GAN: variants seen among roughly 807,000 people sequenced by gnomAD.
GAN encodes epididymis secretory sperm binding protein.
Under a neutral mutation model 71.3 loss-of-function variants are expected in GAN, and 48 were observed. That is an observed-to-expected ratio of 0.67 (90% CI 0.53 to 0.86). The LOEUF (loss-of-function observed/expected upper bound fraction) is 0.86. Ranked by LOEUF, GAN falls within the 40% of genes least tolerant of loss-of-function variation. The probability of loss-of-function intolerance (pLI) is 0.00; values close to 1 mark genes in which losing one functional copy is unlikely to be tolerated. For synonymous variants in GAN, 386 were observed against 276.8 expected, an observed-to-expected ratio of 1.39 and a Z score of -3.92; for missense variants, 928 against 770.1, an observed-to-expected ratio of 1.21 and a Z score of -2.43.
At chr16:81,328,642 G>T (rs1186414309) in intron 1 of GAN, among the ~76,000 whole-genome samples, 2 of 55,734 alleles carry the variant, frequency 3.6e-5, no homozygotes, top group East Asian at 8.2e-4. Flanking sequence ...CTACCAGTGT[G>T]TATCTTATTT....
intron 1 of GAN, among the ~76,000 whole-genome samples, chr16:81,349,098 A>T (rs1411937855): frequency 2.6e-5 from 4 of 152,176 alleles, no homozygotes; most frequent in African/African-American, 7.2e-5. Flanking sequence ...TACAGGGAAG[A>T]TGTGTATCCA....
intron 1 of GAN, among the ~76,000 whole-genome samples, chr16:81,333,356 C>T (rs1054123057): frequency 2.0e-5 from 3 of 152,082 alleles, no homozygotes; most frequent in Admixed American, 1.3e-4. Context: ...TCCTCACTAA[C>T]CTGCATTCAC....
At position 81,385,769 on chromosome 16, in the gene GAN, CTTTTTTTTT is replaced by C. The variant is rs11461340; in HGVS notation, c.*8185_*8193del. The C allele has an allele frequency of 8.0e-6, 1 of 124,396 alleles. No individual in the cohort carries two copies. The highest frequency in any genetic ancestry group is 8.5e-5 in the Admixed American group (1 of 11,708). The allele number at this position is 124,396 out of a possible 1,614,324, so 7.7% of individuals were successfully genotyped here. On this transcript the variant is annotated 3_prime_UTR_variant, in exon 11 of 11. Coordinates refer to ENST00000648994, the MANE Select transcript of GAN (RefSeq NM_022041.4). The stretch of plus-strand genomic sequence containing the variant: ...ATTAGAAGTTGGTGTTCATAAAATA[CTTTTTTTTT>C]TTTTTTTTTTTGAGATGGAGTCTCG...
chr16:81,340,248 A>G (rs536138153), intron 1 of GAN, among the ~76,000 whole-genome samples: 2 of 152,178 alleles, frequency 1.3e-5, no homozygotes, highest in Non-Finnish European at 2.9e-5. Context: ...CAAAACCTGT[A>G]CTCATTAGAA....
intron 1 of GAN, among the ~76,000 whole-genome samples, chr16:81,323,699 C>G (rs777798010): frequency 6.6e-6 from 1 of 152,148 alleles, no homozygotes; most frequent in African/African-American, 2.4e-5. Flanking sequence ...GGAGATAACT[C>G]AAGACATCTC....
chr16:81,358,644 T>G (rs1041458381), intron 5 of GAN, among the ~76,000 whole-genome samples: 1 of 152,006 alleles, frequency 6.6e-6, no homozygotes, highest in Non-Finnish European at 1.5e-5. Context: ...GTTATGAGAC[T>G]TTAGGAAATG....
chr16:81,383,293 C>CCTAGG lies in GAN; in HGVS notation c.*5700_*5704dup. 7.9e-6 allele frequency: 1 copy of CCTAGG among 126,534 alleles called. No individual in the cohort carries two copies. Among genetic ancestry groups the CCTAGG allele is most frequent in the Non-Finnish European group, 1.6e-5 (1 of 64,182 alleles). The allele number at this position is 126,534 out of a possible 1,614,324, so 7.8% of individuals were successfully genotyped here. On this transcript the variant is annotated 3_prime_UTR_variant, in exon 11 of 11. Coordinates refer to ENST00000648994, the MANE Select transcript of GAN (RefSeq NM_022041.4). ...TTTGAGACGGAGTCTCGCTCTGTCG[C>CCTAGG]CTAGGCTGGAGTGCAGTGGTGCGAT...
intron 9 of GAN, among the ~76,000 whole-genome samples, chr16:81,368,129 C>G (rs553568861): frequency 7.2e-5 from 11 of 152,152 alleles, no homozygotes; most frequent in Non-Finnish European, 1.5e-4. Flanking sequence ...TTATTCTTTT[C>G]TGTTTTTCTG....
At chr16:81,376,509 G>GTGTGTA (rs1904280712) in intron 9 of GAN, among the ~76,000 whole-genome samples, 1 of 128,560 alleles carries the variant, frequency 7.8e-6, no homozygotes, top group Non-Finnish European at 1.7e-5. Context: ...GTGTGTGTGT[G>GTGTGTA]TATGTGTGTG....
At chr16:81,365,230 T>G (rs1910812514) in intron 8 of GAN, 120 bp downstream of exon 8, 1 of 1,569,926 alleles carries the variant, frequency 6.4e-7, no homozygotes, top group Non-Finnish European at 8.8e-7. Flanking sequence ...ACTTGGCATT[T>G]CCTGAGAAAG....
At chr16:81,327,453 T>A (rs1346888498) in intron 1 of GAN, among the ~76,000 whole-genome samples, 1 of 152,180 alleles carries the variant, frequency 6.6e-6, no homozygotes. Flanking sequence ...CTCCACTATC[T>A]CCTTTCCTAA....
chr16:81,369,229 T>C (rs1910958379), intron 9 of GAN, among the ~76,000 whole-genome samples: 1 of 152,216 alleles, frequency 6.6e-6, no homozygotes, highest in South Asian at 2.1e-4. Context: ...ATGCTGGTTC[T>C]CTGACACATG....
intron 9 of GAN, among the ~76,000 whole-genome samples, chr16:81,366,845 G>C (rs1030576003): frequency 6.6e-6 from 1 of 151,874 alleles, no homozygotes; most frequent in South Asian, 2.1e-4. Context: ...TTCTTTTTTG[G>C]AGACAGTCTC....
At chr16:81,315,548 C>G (rs1001830994) in intron 1 of GAN, among the ~76,000 whole-genome samples, 125 of 152,076 alleles carry the variant, frequency 8.2e-4, no homozygotes, top group Non-Finnish European at 1.5e-3. Flanking sequence ...GGCCGCGATC[C>G]CCCGCCTTGT....
chr16:81,387,208 T>TA lies in GAN; in HGVS notation c.*9613dup, dbSNP rs1171958047. The TA allele has an allele frequency of 6.6e-5, 10 of 152,328 alleles. No homozygotes were observed. The highest frequency in any genetic ancestry group is 2.4e-4 in the African/African-American group (10 of 41,574). 9.4% of individuals were successfully genotyped at this position (152,328 alleles called of 1,614,324 possible). A position where few individuals can be genotyped will look rare whatever the true frequency, so the allele number is the denominator to read the frequency against. On this transcript the variant is annotated 3_prime_UTR_variant, in exon 11 of 11. Transcript: ENST00000648994. ...AGTGTAATGGCTAAATGTAAAGTCT[T>TA]ACGTCTCGGTTCAAGAAAGCACGTT...
intron 1 of GAN, among the ~76,000 whole-genome samples, chr16:81,317,569 G>A (rs1597386619): frequency 6.6e-6 from 1 of 152,166 alleles, no homozygotes; most frequent in African/African-American, 2.4e-5. Flanking sequence ...TCTGTAGTCC[G>A]GTTCTTTCAC....
chr16:81,362,448 TG>T, intron 5 of GAN, 50 bp from the exon 6 acceptor site: 1 of 883,114 alleles, frequency 1.1e-6, no homozygotes, highest in Non-Finnish European at 2.0e-6. Flanking sequence ...GTGGCGTTTA[TG>T]GGTGTTGAAG....
intron 1 of GAN, among the ~76,000 whole-genome samples, chr16:81,324,841 G>T (rs1909330462): frequency 6.6e-6 from 1 of 152,234 alleles, no homozygotes; most frequent in South Asian, 2.1e-4. Context: ...CAGTGCTGCT[G>T]GGTGTGCTCT....
chr16:81,345,787 G>A (rs1238767948), intron 1 of GAN, among the ~76,000 whole-genome samples: 2 of 152,128 alleles, frequency 1.3e-5, no homozygotes, highest in African/African-American at 4.8e-5. Context: ...TTCCCTGATA[G>A]CCTAGTTTCC....
Sources: allele counts gnomAD v4.1 joint callset (sites outside exome capture counted in the v4.1 genomes callset), GRCh38; gene constraint gnomAD v4.1.1; transcripts MANE v1.5; gene names NCBI Gene and HGNC (gene_info 2026-07-23, HGNC 2026-07-21).